The following EXOC7 variants were observed in gnomAD, a reference collection of about 807,000 sequenced individuals.
EXOC7 encodes the protein exocyst complex component 7, also known as exocyst complex component Exo70.
In EXOC7, 51 loss-of-function variants were observed where a neutral mutation model predicts 87.6. The ratio of observed to expected loss-of-function variants is 0.58; its 90% CI spans 0.46 to 0.73. The LOEUF is 0.73. Among genes scored for constraint, EXOC7 ranks in the 30% least tolerant of loss-of-function variants. The pLI is 0.00. For missense variants in EXOC7, 744 were observed against 888.4 expected, an observed-to-expected ratio of 0.84 and a Z score of 2.07; for synonymous variants, 327 against 357.1, an observed-to-expected ratio of 0.92 and a Z score of 0.95.
rs770111662 is a variant in EXOC7 at position 76,088,526 on chromosome 17, G to C, written c.1237C>G (p.Leu413Val). The C allele has an allele frequency of 2.5e-6, 4 of 1,614,030 alleles. No homozygotes were observed. The South Asian group carries it at 4.4e-5, about 18-fold the overall frequency. ...CCGATGGTCTCCATGGATGTGATGA[G>C]GCCAGGCAGCTTGTTCTTTGTGCTG... is the stretch of plus-strand genomic sequence containing the variant. ...AASTKNKLPG[L>V]ITSMETIGAK... The change falls in exon 10 of 19, where the codon CTC becomes GTC. Residue 413 changes from leucine (L) to valine (V), a missense_variant. Coordinates refer to ENST00000589210, the MANE Select transcript of EXOC7 (RefSeq NM_001013839.4).
chr17:76,103,164 C>T (rs780159473), intron 2 of EXOC7, 197 bp downstream of exon 2: 4 of 594,100 alleles, frequency 6.7e-6, no homozygotes, highest in Non-Finnish European at 1.2e-5. Context: ...GAAGTGCAGC[C>T]TCCTCAGTGA....
At position 76,094,429 on chromosome 17, in the gene EXOC7, G is replaced by A. The variant is rs865853744; in HGVS notation, c.793C>T (p.Pro265Ser). 6 of 1,613,502 alleles carry A rather than the reference G, an allele frequency of 3.7e-6. No individual in the cohort carries two copies. The highest frequency in any genetic ancestry group is 5.1e-6 in the Non-Finnish European group (6 of 1,179,678). ...NKRKDTPTKK[P>S]VKRPGTIRKA... ...GGGGGCTCACCTGGCCGCTTGACTGGCTTCTTGGTAGGTGTGTCTTTCCTC... is the reference window on the plus strand; with the variant it reads ...GGGGGCTCACCTGGCCGCTTGACTGACTTCTTGGTAGGTGTGTCTTTCCTC... The change falls in exon 6 of 19, where the codon CCA (proline) becomes TCA (serine). Residue 265 changes from proline (P) to serine (S), a missense_variant. Transcript: ENST00000589210.
In EXOC7 at chr17:76,083,614, A is replaced by G. The variant is rs1567955026; in HGVS notation, c.*34T>C. 6.3e-7 allele frequency: 1 copy of G among 1,591,352 alleles called. No individual in the cohort carries two copies. Among genetic ancestry groups the G allele is most frequent in the Non-Finnish European group, 8.6e-7 (1 of 1,159,492 alleles). On this transcript the variant is annotated 3_prime_UTR_variant, in exon 19 of 19. Transcript: ENST00000589210. ...TGGTTTATCTGTCCAATGACACGCCAGTCTGGTGGAACCAGGCAGGGCTAG... is the reference window on the plus strand; with the variant it reads ...TGGTTTATCTGTCCAATGACACGCCGGTCTGGTGGAACCAGGCAGGGCTAG...
intron 15 of EXOC7, 188 bp from the exon 16 acceptor site, chr17:76,084,768 A>T: frequency 1.7e-6 from 1 of 600,634 alleles, no homozygotes; most frequent in South Asian, 2.0e-5. Flanking sequence ...TTTTTGAGAT[A>T]ACATTAGGAA....
At position 76,081,156 on chromosome 17, in the gene EXOC7, A is replaced by T; in HGVS notation, c.*2492T>A. 7.0e-7 allele frequency: 1 copy of T among 1,419,812 alleles called. No homozygotes were observed. Among genetic ancestry groups the T allele is most frequent in the Admixed American group, 2.1e-5 (1 of 48,384 alleles). 88.0% of individuals were successfully genotyped at this position (1,419,812 alleles called of 1,614,324 possible). A position where few individuals can be genotyped will look rare whatever the true frequency, so the allele number is the denominator to read the frequency against. ...CTTCTATGGATCGGTTTTGTGTCCA[A>T]GTCTGTCCCTGCCAAAAGCCATCAA... On this transcript the variant is annotated 3_prime_UTR_variant, in exon 19 of 19. Coordinates refer to ENST00000589210, the MANE Select transcript of EXOC7 (RefSeq NM_001013839.4).
chr17:76,086,029 G>A, intron 13 of EXOC7, 51 bp downstream of exon 13: 1 of 1,598,860 alleles, frequency 6.3e-7, no homozygotes, highest in Non-Finnish European at 8.5e-7. Flanking sequence ...GGAAGGGAAA[G>A]GCAGGGCATG....
In EXOC7 at chr17:76,101,864, C is replaced by T. The variant is rs771447179; in HGVS notation, c.127-1G>A. On this transcript the variant is annotated splice_acceptor_variant, in intron 2 of 18. Transcript: ENST00000589210. LOFTEE classifies it high-confidence loss of function. The stretch of plus-strand genomic sequence containing the variant: ...TCTCAAAGGATGATAAGATAGACAC[C>T]TGCGGGAGGGAAGCCTCTTGATCTT... 6.2e-7 allele frequency: 1 copy of T among 1,609,178 alleles called. No individual in the cohort carries two copies. The highest frequency in any genetic ancestry group is 8.5e-7 in the Non-Finnish European group (1 of 1,177,330).
At chr17:76,091,964 G>T (rs903332010) in intron 6 of EXOC7, among the ~76,000 whole-genome samples, 2 of 152,202 alleles carry the variant, frequency 1.3e-5, no homozygotes, top group Non-Finnish European at 2.9e-5. Flanking sequence ...ACAATAGTTA[G>T]TATCACAAGT....
chr17:76,088,222 G>T, intron 10 of EXOC7, 100 bp from the exon 11 acceptor site: 1 of 1,277,416 alleles, frequency 7.8e-7, no homozygotes, highest in Non-Finnish European at 1.1e-6. Context: ...ACGGGTGCTA[G>T]GACACCTCTC....
chr17:76,099,108 C>T (rs995248178), intron 4 of EXOC7, among the ~76,000 whole-genome samples: 2 of 152,178 alleles, frequency 1.3e-5, no homozygotes, highest in Non-Finnish European at 2.9e-5. Flanking sequence ...GAGAATGAAT[C>T]TGTCCACACG....
Position 76,094,569 on chromosome 17 carries a change from A to G in EXOC7, c.653T>C (p.Val218Ala), listed in dbSNP as rs1401553012. 1.2e-6 allele frequency: 2 copies of G among 1,612,660 alleles called. No homozygotes were observed. The highest frequency in any genetic ancestry group is 1.1e-5 in the South Asian group (1 of 90,978). Residue 218 changes from valine to alanine, a missense_variant, in exon 6 of 19, where the codon GTC (valine) becomes GCC (alanine). Physicochemically the swap from Val to Ala is moderately conservative, Grantham distance 64. Coordinates refer to ENST00000589210, the MANE Select transcript of EXOC7 (RefSeq NM_001013839.4). The stretch of plus-strand genomic sequence containing the variant: ...CTGGCTGGAGCGTATCTGGTAGTAG[A>G]CGTTCATGAAATCTGAGGAGACACA... ...EYGRNQDFMN[V>A]YYQIRSSQLD... is the part of the protein sequence containing the mutation.
In EXOC7 at chr17:76,084,238, C is replaced by T; in HGVS notation, c.1818+10G>A. On this transcript the variant is annotated intron_variant, in intron 17 of 18. Coordinates refer to ENST00000589210, the MANE Select transcript of EXOC7 (RefSeq NM_001013839.4). ...CAGCAAGCAGTGGAGGGGAGAGGAC[C>T]CCGACTCACCTTAAAACGCTCCTTG... 1.9e-6 allele frequency: 3 copies of T among 1,611,384 alleles called. No homozygotes were observed. Among genetic ancestry groups the T allele is most frequent in the Non-Finnish European group, 2.5e-6 (3 of 1,178,268 alleles).
rs183559925 is a variant in EXOC7 at position 76,091,632 on chromosome 17, G to A, written c.809-397C>T. ...GGCACAACCAGGGTGGGAGAGCCTG[G>A]GGGGCACCCTGAAGCCAGCAGGCCC... On this transcript the variant is annotated intron_variant, in intron 6 of 18. Coordinates refer to ENST00000589210, the MANE Select transcript of EXOC7 (RefSeq NM_001013839.4). 2.1e-3 allele frequency: 380 copies of A among 179,500 alleles called. 2 individuals carry two copies. Among genetic ancestry groups the A allele is most frequent in the African/African-American group, 8.7e-3 (367 of 42,042 alleles). 11.1% of individuals were successfully genotyped at this position (179,500 alleles called of 1,614,324 possible). A position where few individuals can be genotyped will look rare whatever the true frequency, so the allele number is the denominator to read the frequency against.
In EXOC7 at chr17:76,094,555, G is replaced by A. The variant is rs750444329; in HGVS notation, c.667C>T (p.Arg223Cys). Residue 223 changes from arginine (R) to cysteine (C), a missense_variant, in exon 6 of 19, where the codon CGC becomes TGC. Coordinates refer to ENST00000589210, the MANE Select transcript of EXOC7 (RefSeq NM_001013839.4). The stretch of plus-strand genomic sequence containing the variant: ...ATGGAGCGGTCCAGCTGGCTGGAGC[G>A]TATCTGGTAGTAGACGTTCATGAAA... ...QDFMNVYYQI[R>C]SSQLDRSIKG... The A allele has an allele frequency of 4.3e-6, 7 of 1,613,516 alleles. No homozygotes were observed. Among genetic ancestry groups the A allele is most frequent in the African/African-American group, 2.7e-5 (2 of 74,910 alleles).
chr17:76,090,317 T>C (rs1200965302), intron 7 of EXOC7: 1 of 1,550,462 alleles, frequency 6.4e-7, no homozygotes. Flanking sequence ...CGGGCTGGGC[T>C]GCGGTACTCA....
chr17:76,095,271 CT>C (rs560955720), intron 5 of EXOC7, among the ~76,000 whole-genome samples: 397 of 138,856 alleles, frequency 2.9e-3, no homozygotes, highest in Middle Eastern at 3.9e-3. Flanking sequence ...TAGTTGTAAG[CT>C]TTTTTTTTTT....
Position 76,085,784 on chromosome 17 carries a change from G to A in EXOC7, c.1509C>T (p.Gly503=). 1.2e-6 allele frequency: 2 copies of A among 1,613,084 alleles called. No individual in the cohort carries two copies. The highest frequency in any genetic ancestry group is 8.5e-7 in the Non-Finnish European group (1 of 1,179,630). ...TGCTCAGCAAGTTCAACTGCAGGTT[G>A]CCCAGCACTTTACCTGCACAGGGAA... is the stretch of plus-strand genomic sequence containing the variant. ...LLSTYICKVL[G]NLQLNLLSKS... The change falls in exon 14 of 19, where the codon GGC becomes GGT. Residue 503 remains glycine, a synonymous_variant. Transcript: ENST00000589210.
Position 76,085,343 on chromosome 17 carries a change from A to G in EXOC7, c.1683T>C (p.Ile561=), listed in dbSNP as rs757858877. The G allele has an allele frequency of 1.2e-6, 2 of 1,608,116 alleles. No homozygotes were observed. The highest frequency in any genetic ancestry group is 4.5e-5 in the East Asian group (2 of 44,760). Residue 561 remains isoleucine (I), a synonymous_variant, in exon 15 of 19, where the codon ATT becomes ATC. Transcript: ENST00000589210. Reference sequence around the variant, plus strand: ...GCTGGTAGGTCTGGATCTGCTGCTCAATGTGCTCCCGGTAGGAGCGCTCAG... The same window carrying G: ...GCTGGTAGGTCTGGATCTGCTGCTCGATGTGCTCCCGGTAGGAGCGCTCAG... ...KTAERSYREH[I]EQQIQTYQRS... is the part of the protein sequence containing the mutation.
chr17:76,087,882 C>T (rs1193100392), intron 11 of EXOC7, 162 bp from the exon 12 acceptor site: 2 of 943,212 alleles, frequency 2.1e-6, no homozygotes, highest in African/African-American at 1.7e-5. Context: ...CAGGAAAGGC[C>T]CTGTCTGCTA....
Sources: gnomAD v4.1 joint callset for allele counts (sites outside exome capture counted in the v4.1 genomes callset) on GRCh38, gnomAD v4.1.1 for gene constraint, MANE v1.5 for transcripts, NCBI Gene and HGNC (gene_info 2026-07-23, HGNC 2026-07-21) for gene names.